The following JAKMIP1 variants were observed in gnomAD, a reference collection of about 807,000 sequenced individuals.
The protein encoded by JAKMIP1 is janus kinase and microtubule interacting protein 1, also known as janus kinase and microtubule-interacting protein 1.
A neutral mutation model predicts 113.0 loss-of-function variants in JAKMIP1; 33 were observed. The observed-to-expected ratio is 0.29, with a 90% CI of 0.22 to 0.39. The LOEUF (loss-of-function observed/expected upper bound fraction) is 0.39, where lower values mean the gene tolerates loss of function less well. Ranked by LOEUF, JAKMIP1 falls within the 10% of genes least tolerant of loss-of-function variation. JAKMIP1 has a pLI of 1.00. For missense variants in JAKMIP1, 813 were observed against 1,080.5 expected (o/e 0.75, Z 3.47); for synonymous variants, 480 against 459.9 (o/e 1.04, Z -0.56).
At chr4:6,032,361 G>A (rs1279742373) in intron 19 of JAKMIP1, among the ~76,000 whole-genome samples, 2 of 152,124 alleles carry the variant, frequency 1.3e-5, no homozygotes, top group Non-Finnish European at 2.9e-5. Context: ...TCAGAGTGTG[G>A]GAGGCCAGAA....
Position 6,031,926 on chromosome 4 carries a change from A to G in JAKMIP1, c.2380-2145T>C, listed in dbSNP as rs1458077257. ...AGCACTCCATATGTTATTTTTTTAA[A>G]CTGATAATTTTCTACTCTCTCCCAC... On this transcript the variant is annotated intron_variant, in intron 19 of 20. Transcript: ENST00000409021. This position sits in a 1 kb window ranked among gnomAD's most constrained non-coding sequence, Gnocchi z 4.4. Among the ~76,000 whole-genome samples, 4 of 152,144 alleles carry G rather than the reference A, an allele frequency of 2.6e-5. No homozygotes were observed. Among genetic ancestry groups the G allele is most frequent in the Non-Finnish European group, 4.4e-5 (3 of 68,028 alleles).
rs781409999 is a variant in JAKMIP1, at chr4:6,115,358, C to T, written c.-147-2361G>A. On this transcript the variant is annotated intron_variant, in intron 1 of 20. Transcript: ENST00000409021. ...CTGGGAGGCGGAAGTTGCAGTGAGC[C>T]GAGATCGTGCCATTGCACCCCAGCC... Among the ~76,000 whole-genome samples, 4 of 151,990 alleles carry T rather than the reference C, an allele frequency of 2.6e-5. No homozygotes were observed. The East Asian group carries it at 5.8e-4, about 22-fold the overall frequency.
At chr4:6,032,343 G>C (rs1268087084) in intron 19 of JAKMIP1, among the ~76,000 whole-genome samples, 1 of 152,188 alleles carries the variant, frequency 6.6e-6, no homozygotes, top group Non-Finnish European at 1.5e-5. Context: ...TTAGGAAACA[G>C]TCTCTCATCA....
In JAKMIP1 at chr4:6,168,657, G is replaced by A. The variant is rs575191613; in HGVS notation, c.-148+31596C>T. 6.6e-6 allele frequency among the ~76,000 whole-genome samples: 1 copy of A among 152,180 alleles called. No homozygotes were observed. The highest frequency in any genetic ancestry group is 1.9e-4 in the East Asian group (1 of 5,172). On this transcript the variant is annotated intron_variant, in intron 1 of 20. Coordinates refer to ENST00000409021, the MANE Select transcript of JAKMIP1 (RefSeq NM_001099433.2). This position sits in a 1 kb window ranked among gnomAD's most constrained non-coding sequence, Gnocchi z 4.6. ...TGTAATCCCAGCACTTTGGGAGGGC[G>A]AGGCGGGCAGATTTTTTGAGTCCAA... is the stretch of plus-strand genomic sequence containing the variant.
At chr4:6,198,293 A>G (rs1283174179) in intron 1 of JAKMIP1, among the ~76,000 whole-genome samples, 1 of 147,236 alleles carries the variant, frequency 6.8e-6, no homozygotes, top group Non-Finnish European at 1.5e-5. Flanking sequence ...CACATACTCA[A>G]GGGAGGGGAG....
At position 6,040,573 on chromosome 4, in the gene JAKMIP1, G is replaced by T; in HGVS notation, c.2175+66C>A. ...CGCCCTAAATGCAGTTTCAGCCCCA[G>T]AGGAAAAAGCAGCCTCTAATGTGGA... On this transcript the variant is annotated intron_variant, in intron 18 of 20. Transcript: ENST00000409021. The surrounding 1 kb of genome is among the most constrained non-coding windows in gnomAD (Gnocchi z 5.8). 1 of 1,189,064 alleles carries T rather than the reference G, an allele frequency of 8.4e-7. No homozygotes were observed. Among genetic ancestry groups the T allele is most frequent in the Non-Finnish European group, 1.2e-6 (1 of 802,898 alleles). The allele number at this position is 1,189,064 out of a possible 1,614,324, so 73.7% of individuals were successfully genotyped here.
chr4:6,046,311 C>T (rs1341764868), intron 16 of JAKMIP1, among the ~76,000 whole-genome samples: 1 of 152,246 alleles, frequency 6.6e-6, no homozygotes, highest in Non-Finnish European at 1.5e-5. Context: ...CGGCAACACC[C>T]AAGCTTACTG....
At position 6,089,548 on chromosome 4, in the gene JAKMIP1, C is replaced by A. The variant is rs1388917837; in HGVS notation, c.625-3919G>T. Among the ~76,000 whole-genome samples, 1 of 152,206 alleles carries A rather than the reference C, an allele frequency of 6.6e-6. No homozygotes were observed. The highest frequency in any genetic ancestry group is 2.4e-5 in the African/African-American group (1 of 41,458). ...AATGTGCTAACACTCTAGTTAGCAGCAGAACCATGACTCAAGTGCAGATTG... is the reference window on the plus strand; with the variant it reads ...AATGTGCTAACACTCTAGTTAGCAGAAGAACCATGACTCAAGTGCAGATTG... On this transcript the variant is annotated intron_variant, in intron 3 of 20. Transcript: ENST00000409021. The surrounding 1 kb of genome is among the most constrained non-coding windows in gnomAD (Gnocchi z 5.3).
In JAKMIP1 at chr4:6,060,503, C is replaced by A; in HGVS notation, c.1565G>T (p.Arg522Leu). The A allele has an allele frequency of 6.2e-7, 1 of 1,613,604 alleles. No individual in the cohort carries two copies. The highest frequency in any genetic ancestry group is 1.3e-5 in the African/African-American group (1 of 75,046). The change falls in exon 11 of 21, where the codon CGG becomes CTG. Residue 522 changes from arginine (R) to leucine (L), a missense_variant. By Grantham distance (102) the Arg-to-Leu change is moderately radical. Around this residue, in one of 2 missense-constraint regions of JAKMIP1, gnomAD observed 273 missense variants for 426.6 expected, o/e 0.64. Transcript: ENST00000409021. ...TLDAEREART[R>L]EQLQADLLRC... ...CAGCAGATCAGCTTGTAGCTGCTCC[C>A]GAGTCTGGAAGGGAAAAGACCAGGC... is the stretch of plus-strand genomic sequence containing the variant.
chr4:6,060,659 G>A (rs1717145201), intron 10 of JAKMIP1, 152 bp from the exon 11 acceptor site: 2 of 651,898 alleles, frequency 3.1e-6, no homozygotes, highest in Non-Finnish European at 5.5e-6. Context: ...TTCAACCTTG[G>A]CCTACTAGAA....
At chr4:6,149,489 C>T (rs559631179) in intron 1 of JAKMIP1, among the ~76,000 whole-genome samples, 20 of 152,084 alleles carry the variant, frequency 1.3e-4, no homozygotes, top group Non-Finnish European at 2.1e-4. Flanking sequence ...CCGAGACCAG[C>T]GAGTAAGAAA....
In JAKMIP1 at chr4:6,086,592, CA is replaced by C. The variant is rs1721343399; in HGVS notation, c.625-964del. Among the ~76,000 whole-genome samples the C allele has an allele frequency of 6.6e-6, 1 of 152,046 alleles. No homozygotes were observed. The highest frequency in any genetic ancestry group is 1.9e-4 in the East Asian group (1 of 5,172). ...GAGGAACCACACCAAAAAAAGTATG[CA>C]GAGGAAGTGTCAGCCCCAGGTCATC... On this transcript the variant is annotated intron_variant, in intron 3 of 20. Transcript: ENST00000409021. The surrounding 1 kb of genome is among the most constrained non-coding windows in gnomAD (Gnocchi z 4.1).
Position 6,076,795 on chromosome 4 carries a change from T to C in JAKMIP1, c.1302+2144A>G, listed in dbSNP as rs1719754077. On this transcript the variant is annotated intron_variant, in intron 8 of 20. Transcript: ENST00000409021. This position sits in a 1 kb window ranked among gnomAD's most constrained non-coding sequence, Gnocchi z 4.8. ...CTAAACATGAAATTCATTTGTTTCA[T>C]ATACACTTTATATATAATACATAGC... is the stretch of plus-strand genomic sequence containing the variant. 6.6e-6 allele frequency among the ~76,000 whole-genome samples: 1 copy of C among 152,236 alleles called. No individual in the cohort carries two copies. Among genetic ancestry groups the C allele is most frequent in the African/African-American group, 2.4e-5 (1 of 41,466 alleles).
intron 18 of JAKMIP1, among the ~76,000 whole-genome samples, chr4:6,036,573 AG>A (rs1304505230): frequency 2.6e-5 from 4 of 152,188 alleles, no homozygotes; most frequent in Non-Finnish European, 5.9e-5. Flanking sequence ...TCTAGCCCAA[AG>A]CAAATAGTGG....
At chr4:6,079,436 C>T (rs190702054) in intron 7 of JAKMIP1, among the ~76,000 whole-genome samples, 1 of 152,184 alleles carries the variant, frequency 6.6e-6, no homozygotes, top group East Asian at 1.9e-4. Context: ...GCAAAATGAA[C>T]ATGAAAATTA....
chr4:6,067,725 C>T lies in JAKMIP1; in HGVS notation c.1303-2717G>A, dbSNP rs13118160. 2.7e-5 allele frequency among the ~76,000 whole-genome samples: 3 copies of T among 111,270 alleles called. No homozygotes were observed. The highest frequency in any genetic ancestry group is 7.4e-5 in the African/African-American group (2 of 27,008). The allele number at this position is 111,270 out of a possible 152,430, so 73.0% of individuals were successfully genotyped here. On this transcript the variant is annotated intron_variant, in intron 8 of 20. Transcript: ENST00000409021. This position sits in a 1 kb window ranked among gnomAD's most constrained non-coding sequence, Gnocchi z 4.6. ...ACACAGGTCACCCCCCTGAGCTCCA[C>T]GTTCACTCAAGCTCTTCTGCACACG...
chr4:6,124,887 C>T (rs1049137581), intron 1 of JAKMIP1, among the ~76,000 whole-genome samples: 1 of 152,226 alleles, frequency 6.6e-6, no homozygotes, highest in Non-Finnish European at 1.5e-5. Context: ...TGACTTTAGG[C>T]CACCATCGGG....
At position 6,194,463 on chromosome 4, in the gene JAKMIP1, GGGTAAAAGATAGT is replaced by G; in HGVS notation, c.-148+5777_-148+5789del. 1 of 152,150 alleles carries G rather than the reference GGGTAAAAGATAGT, an allele frequency of 6.6e-6. No homozygotes were observed. Among genetic ancestry groups the G allele is most frequent in the East Asian group, 1.9e-4 (1 of 5,130 alleles). The allele number at this position is 152,150 out of a possible 1,614,324, so 9.4% of individuals were successfully genotyped here. A position where few individuals can be genotyped will look rare whatever the true frequency, so the allele number is the denominator to read the frequency against. ...AGAAGACAGGAGACAGAAGCTCCAA[GGGTAAAAGATAGT>G]GGAAAGCTACTTACCAGCTCACTCC... On this transcript the variant is annotated intron_variant, in intron 1 of 20. Coordinates refer to ENST00000409021, the MANE Select transcript of JAKMIP1 (RefSeq NM_001099433.2). This position sits in a 1 kb window ranked among gnomAD's most constrained non-coding sequence, Gnocchi z 7.4.
intron 8 of JAKMIP1, chr4:6,070,246 C>T: frequency 5.0e-6 from 2 of 396,858 alleles, no homozygotes; most frequent in Non-Finnish European, 8.9e-6. Context: ...TTCAGGGCTT[C>T]CTCCAGTCCA....
Sources: gnomAD v4.1 joint callset for allele counts (sites outside exome capture counted in the v4.1 genomes callset) on GRCh38, gnomAD v4.1.1 for gene constraint, gnomAD v4.1.1 regional missense constraint, Gnocchi (gnomAD v3.1) non-coding constraint, MANE v1.5 for transcripts, NCBI Gene and HGNC (gene_info 2026-07-23, HGNC 2026-07-21) for gene names.